GPC2: variants seen among roughly 807,000 people sequenced by gnomAD.
The protein encoded by GPC2 is glypican-2.
GPC2 carries 42 observed loss-of-function variants against 57.3 expected under a neutral mutation model. That is an observed-to-expected ratio of 0.73 (90% CI 0.57 to 0.95). The LOEUF is 0.95. Among genes scored for constraint, GPC2 ranks in the 40% least tolerant of loss-of-function variants. The probability of loss-of-function intolerance (pLI) is 0.00; values close to 1 mark genes in which losing one functional copy is unlikely to be tolerated. For synonymous variants in GPC2, 364 were observed against 343.4 expected, an observed-to-expected ratio of 1.06 and a Z score of -0.66; for missense variants, 745 against 793.6, an observed-to-expected ratio of 0.94 and a Z score of 0.74.
At chr7:100,170,990 T>C in intron 9 of GPC2, 1 of 372,672 alleles carries the variant, frequency 2.7e-6, no homozygotes, top group East Asian at 4.4e-5. Context: ...CCTCCCCCAT[T>C]TTCCCACTGC....
At position 100,175,209 on chromosome 7, in the gene GPC2, C is replaced by T. The variant is rs185045690; in HGVS notation, c.648+363G>A. On this transcript the variant is annotated intron_variant, in intron 3 of 9. Transcript: ENST00000292377. ...ATACTATAAAAGAAAATGCCTTTTG[C>T]GTATTGAATGCACAATTCCTGTTTA... 1.6e-3 allele frequency among the ~76,000 whole-genome samples: 245 copies of T among 152,256 alleles called. 1 individual carries two copies. The highest frequency in any genetic ancestry group is 5.6e-3 in the African/African-American group (232 of 41,536).
rs1562957114 is a variant in GPC2, at chr7:100,171,617, G to A, written c.1232C>T (p.Thr411Met). Residue 411 changes from threonine (T) to methionine (M), a missense_variant, in exon 8 of 10, where the codon ACG becomes ATG. Thr to Met is a moderately conservative substitution (Grantham distance 81). Around this residue, in one of 2 missense-constraint regions of GPC2, gnomAD observed 607 missense variants for 603.9 expected, o/e 1.01. Transcript: ENST00000292377. This position sits in a 1 kb window ranked among gnomAD's most constrained non-coding sequence, Gnocchi z 4.8. ...TGCCATGCGAGAGTCTCCGCACACC[G>A]TCAGGGACAGCCGGGCCCAGAAGCC... ...MRGFWARLSL[T>M]VCGDSRMAAD... 6.5e-7 allele frequency: 1 copy of A among 1,534,972 alleles called. No homozygotes were observed. Among genetic ancestry groups the A allele is most frequent in the Non-Finnish European group, 8.7e-7 (1 of 1,153,710 alleles).
chr7:100,169,932 G>A lies in GPC2; in HGVS notation c.*298C>T. 1 of 240,288 alleles carries A rather than the reference G, an allele frequency of 4.2e-6. No homozygotes were observed. The highest frequency in any genetic ancestry group is 1.4e-4 in the South Asian group (1 of 6,970). The allele number at this position is 240,288 out of a possible 1,614,324, so 14.9% of individuals were successfully genotyped here. A position where few individuals can be genotyped will look rare whatever the true frequency, so the allele number is the denominator to read the frequency against. ...TCTAAACTCCTCATTTTCTCTGTTGGGGCTGATCACCAGCCCCAGCCTTAG... is the reference window on the plus strand; with the variant it reads ...TCTAAACTCCTCATTTTCTCTGTTGAGGCTGATCACCAGCCCCAGCCTTAG... On this transcript the variant is annotated 3_prime_UTR_variant, in exon 10 of 10. Coordinates refer to ENST00000292377, the MANE Select transcript of GPC2 (RefSeq NM_152742.3).
chr7:100,172,004 C>A, intron 6 of GPC2, 79 bp from the exon 7 acceptor site: 1 of 1,576,790 alleles, frequency 6.3e-7, no homozygotes, highest in Non-Finnish European at 8.6e-7. Flanking sequence ...CCCAGAGTCT[C>A]TTCCCAGATC....
Position 100,169,954 on chromosome 7 carries a change from T to A in GPC2, c.*276A>T. On this transcript the variant is annotated 3_prime_UTR_variant, in exon 10 of 10. Coordinates refer to ENST00000292377, the MANE Select transcript of GPC2 (RefSeq NM_152742.3). ...TTGGGGCTGATCACCAGCCCCAGCC[T>A]TAGAGGGCTAGAGACTATACCTTCT... 1.6e-5 allele frequency: 4 copies of A among 257,158 alleles called. No individual in the cohort carries two copies. Among genetic ancestry groups the A allele is most frequent in the Non-Finnish European group, 2.9e-5 (4 of 136,466 alleles). The allele number at this position is 257,158 out of a possible 1,614,324, so 15.9% of individuals were successfully genotyped here.
At chr7:100,170,927 G>A (rs1799165815) in intron 9 of GPC2, 1 of 346,230 alleles carries the variant, frequency 2.9e-6, no homozygotes, top group South Asian at 7.1e-5. Flanking sequence ...ACCCTGCGGA[G>A]CCAGCTCAAT....
At position 100,175,745 on chromosome 7, in the gene GPC2, A is replaced by T; in HGVS notation, c.475T>A (p.Leu159Met). The T allele has an allele frequency of 6.2e-7, 1 of 1,613,862 alleles. No individual in the cohort carries two copies. The highest frequency in any genetic ancestry group is 8.5e-7 in the Non-Finnish European group (1 of 1,179,958). The part of the protein sequence containing the change: ...RDFYGESGEG[L>M]DDTLADFWAQ... The stretch of plus-strand genomic sequence containing the variant: ...CAGAAATCCGCCAGGGTGTCATCCA[A>T]CCCCTCACCAGATTCCCCATAGAAG... Residue 159 changes from leucine to methionine, a missense_variant, in exon 3 of 10, where the codon TTG becomes ATG. Coordinates refer to ENST00000292377, the MANE Select transcript of GPC2 (RefSeq NM_152742.3).
rs1458527632 is a variant in GPC2, at chr7:100,170,375, C to T, written c.1595G>A (p.Arg532Lys). ...RPPRPPYPPR[R>K]DGSGGKGGGG... ...TCCTCCTTTGCCCCCAGAACCATCC[C>T]TTCTAGGAGGGTATGGAGGCCGAGG... The change falls in exon 10 of 10, where the codon AGG becomes AAG. Residue 532 changes from arginine (R) to lysine (K), a missense_variant. Physicochemically the swap from Arg to Lys is conservative, Grantham distance 26. Around this residue, in one of 2 missense-constraint regions of GPC2, gnomAD observed 607 missense variants for 603.9 expected, o/e 1.01. Coordinates refer to ENST00000292377, the MANE Select transcript of GPC2 (RefSeq NM_152742.3). The T allele has an allele frequency of 6.2e-7, 1 of 1,613,214 alleles. No homozygotes were observed. Among genetic ancestry groups the T allele is most frequent in the Admixed American group, 1.7e-5 (1 of 59,938 alleles).
In GPC2 at chr7:100,171,403, G is replaced by C. The variant is rs766605716; in HGVS notation, c.1344C>G (p.Ala448=). The change falls in exon 9 of 10, where the codon GCC becomes GCG. Residue 448 remains alanine (A), a synonymous_variant. Coordinates refer to ENST00000292377, the MANE Select transcript of GPC2 (RefSeq NM_152742.3). This position sits in a 1 kb window ranked among gnomAD's most constrained non-coding sequence, Gnocchi z 4.8. ...YLPPVVGGSP[A]EQVNNPELKV... ...TGAGCTCGGGGTTGTTGACCTGCTC[G>C]GCCGGGGAGCCCCCGACCACTGGCG... 2 of 1,495,380 alleles carry C rather than the reference G, an allele frequency of 1.3e-6. No homozygotes were observed. The highest frequency in any genetic ancestry group is 2.6e-5 in the South Asian group (2 of 77,066). 92.6% of individuals were successfully genotyped at this position (1,495,380 alleles called of 1,614,324 possible). A position where few individuals can be genotyped will look rare whatever the true frequency, so the allele number is the denominator to read the frequency against.
In GPC2 at chr7:100,174,000, G is replaced by T. The variant is rs374999883; in HGVS notation, c.730-3C>A. The T allele has an allele frequency of 1.3e-6, 2 of 1,566,216 alleles. No homozygotes were observed. The highest frequency in any genetic ancestry group is 3.4e-4 in the Middle Eastern group (2 of 5,812). On this transcript the variant is annotated splice_polypyrimidine_tract_variant and splice_region_variant and intron_variant, in intron 4 of 9. Coordinates refer to ENST00000292377, the MANE Select transcript of GPC2 (RefSeq NM_152742.3). ...CTGCAGCCTTCAGACACCGGCACCT[G>T]GGGGCAGAGAGTGGGGCTGTGTCCT...
Position 100,177,158 on chromosome 7 carries a change from CAG to C in GPC2, c.40_41del (p.Leu14ValfsTer31), listed in dbSNP as rs1562959744. The C allele has an allele frequency of 1.2e-6, 2 of 1,613,750 alleles. No individual in the cohort carries two copies. Among genetic ancestry groups the C allele is most frequent in the African/African-American group, 2.7e-5 (2 of 74,940 alleles). On this transcript the variant is annotated frameshift_variant, in exon 1 of 10. Coordinates refer to ENST00000292377, the MANE Select transcript of GPC2 (RefSeq NM_152742.3). LOFTEE classifies it high-confidence loss of function. ...CGGGTCCGGGACCAGGACCGGGACA[CAG>C]AGGCAGCAGCAGAAGCAGGAGAGGT... ...LRPLLLLLLP[L>X]CPGPGPGPGS...
Position 100,170,227 on chromosome 7 carries a change from C to G in GPC2, c.*3G>C, listed in dbSNP as rs1799153738. On this transcript the variant is annotated 3_prime_UTR_variant, in exon 10 of 10. Transcript: ENST00000292377. ...CTTCTGATGCTAGGGCACCCCTCCC[C>G]CGTTATCGAGGTCCAAGCAGGGCCA... 1 of 1,548,428 alleles carries G rather than the reference C, an allele frequency of 6.5e-7. No homozygotes were observed. Among genetic ancestry groups the G allele is most frequent in the Non-Finnish European group, 8.7e-7 (1 of 1,145,066 alleles).
intron 2 of GPC2, 40 bp downstream of exon 2, chr7:100,176,167 A>C (rs1211038152): frequency 1.9e-5 from 29 of 1,552,890 alleles, no homozygotes; most frequent in Non-Finnish European, 2.5e-5. Flanking sequence ...AAGCACCGAG[A>C]GGAGCTGTGA....
rs1267393705 is a variant in GPC2, at chr7:100,177,195, G to A, written c.5C>T (p.Ser2Phe). The A allele has an allele frequency of 6.2e-7, 1 of 1,612,422 alleles. No individual in the cohort carries two copies. The highest frequency in any genetic ancestry group is 1.8e-4 in the Middle Eastern group (1 of 5,608). ...CAGAAGCAGGAGAGGTCGCAGCGCG[G>A]ACATAACTGCAGCCACCCCAGGACG... Reference protein sequence around the residue: MSALRPLLLLLL... With the variant: MFALRPLLLLLL... Residue 2 changes from serine to phenylalanine, a missense_variant, in exon 1 of 10, where the codon TCC becomes TTC. Transcript: ENST00000292377.
chr7:100,174,286 A>C (rs1379183810), intron 4 of GPC2: 2 of 513,862 alleles, frequency 3.9e-6, no homozygotes, highest in Non-Finnish European at 7.0e-6. Flanking sequence ...AGGAGGCAGA[A>C]GGTGAGGCTG....
chr7:100,176,217 T>C lies in GPC2; in HGVS notation c.315A>G (p.Arg105=). 14 of 1,608,558 alleles carry C rather than the reference T, an allele frequency of 8.7e-6. No individual in the cohort carries two copies. Among genetic ancestry groups the C allele is most frequent in the Non-Finnish European group, 1.2e-5 (14 of 1,177,260 alleles). The change falls in exon 2 of 10, where the codon AGA becomes AGG. Residue 105 remains arginine (R), a synonymous_variant. Transcript: ENST00000292377. ...FLVHTLAARH[R]KFDEFFLEML... ...ACCCCAGGTCCTCACCATCAAATTT[T>C]CTGTGCCTGGCAGCCAGTGTGTGAA...
At chr7:100,173,761 T>G in intron 5 of GPC2, 74 bp downstream of exon 5, 1 of 1,255,994 alleles carries the variant, frequency 8.0e-7, no homozygotes, top group Non-Finnish European at 1.1e-6. Flanking sequence ...TCCTCCTGCC[T>G]CAGCCTCTCA....
intron 5 of GPC2, among the ~76,000 whole-genome samples, chr7:100,173,059 A>G (rs1029276934): frequency 1.3e-5 from 2 of 152,068 alleles, no homozygotes; most frequent in Admixed American, 1.3e-4. Flanking sequence ...TTTTTAGTAG[A>G]GATGGGGTTT....
Position 100,171,852 on chromosome 7 carries a change from G to A in GPC2, c.1097C>T (p.Ala366Val). The change falls in exon 7 of 10, where the codon GCG becomes GTG. Residue 366 changes from alanine (A) to valine (V), a missense_variant. Ala to Val is a moderately conservative substitution (Grantham distance 64). Coordinates refer to ENST00000292377, the MANE Select transcript of GPC2 (RefSeq NM_152742.3). This position sits in a 1 kb window ranked among gnomAD's most constrained non-coding sequence, Gnocchi z 4.8. ...GGTCACCATCGACCACAGCCGGCCC[G>A]CCTCTTCCCGGGGCGGCGGGGCTCG... ...NRRAPPPREE[A>V]GRLWSMVTEE... The A allele has an allele frequency of 1.9e-6, 3 of 1,550,580 alleles. No homozygotes were observed. Among genetic ancestry groups the A allele is most frequent in the South Asian group, 1.2e-5 (1 of 84,670 alleles).
Sources: gnomAD v4.1 joint callset for allele counts (sites outside exome capture counted in the v4.1 genomes callset) on GRCh38, gnomAD v4.1.1 for gene constraint, gnomAD v4.1.1 regional missense constraint, Gnocchi (gnomAD v3.1) non-coding constraint, MANE v1.5 for transcripts, NCBI Gene and HGNC (gene_info 2026-07-23, HGNC 2026-07-21) for gene names.